SETBP1: variants seen among roughly 807,000 people sequenced by gnomAD.
The protein encoded by SETBP1 is SET-binding protein.
SETBP1 carries 9 observed loss-of-function variants against 101.0 expected under a neutral mutation model. The ratio of observed to expected loss-of-function variants is 0.09; its 90% CI spans 0.05 to 0.16. SETBP1 has a LOEUF of 0.16. SETBP1 is among the 10% of genes least tolerant of loss of function. The pLI, the probability that SETBP1 is intolerant of heterozygous loss-of-function variation, is 1.00. For missense variants in SETBP1, 1,858 were observed against 2,033.8 expected (o/e 0.91, Z 1.66); for synonymous variants, 818 against 788.5 (o/e 1.04, Z -0.63).
At position 45,066,214 on chromosome 18, in the gene SETBP1, T is replaced by C. The variant is rs1425344023; in HGVS notation, c.*2516T>C. 1.3e-5 allele frequency: 2 copies of C among 152,170 alleles called. No homozygotes were observed. The highest frequency in any genetic ancestry group is 6.5e-5 in the Admixed American group (1 of 15,286). 9.4% of individuals were successfully genotyped at this position (152,170 alleles called of 1,614,324 possible). A position where few individuals can be genotyped will look rare whatever the true frequency, so the allele number is the denominator to read the frequency against. On this transcript the variant is annotated 3_prime_UTR_variant, in exon 6 of 6. Transcript: ENST00000649279. ...AGAATTTCCAAAGCTCTGAAAGATATTTCAGGAGATTTAACAGCAGAGTTG... is the reference window on the plus strand; with the variant it reads ...AGAATTTCCAAAGCTCTGAAAGATACTTCAGGAGATTTAACAGCAGAGTTG...
chr18:44,951,060 A>G lies in SETBP1; in HGVS notation c.1720A>G (p.Thr574Ala). 1 of 1,614,054 alleles carries G rather than the reference A, an allele frequency of 6.2e-7. No homozygotes were observed. Among genetic ancestry groups the G allele is most frequent in the East Asian group, 2.2e-5 (1 of 44,866 alleles). Residue 574 changes from threonine (T) to alanine (A), a missense_variant, in exon 4 of 6, where the codon ACA (threonine) becomes GCA (alanine). Transcript: ENST00000649279. This position sits in a 1 kb window ranked among gnomAD's most constrained non-coding sequence, Gnocchi z 7.8. ...CCCATCCAGCCCTCTCTACACCAAC[A>G]CAGACAGTCTTACTGTGATCACTCC... is the stretch of plus-strand genomic sequence containing the variant. Reference protein sequence around the residue: ...ITPSSPLYTNTDSLTVITPVK... With the variant: ...ITPSSPLYTNADSLTVITPVK...
chr18:45,024,167 CA>C (rs1240311404), intron 4 of SETBP1, among the ~76,000 whole-genome samples: 2 of 152,180 alleles, frequency 1.3e-5, no homozygotes, highest in African/African-American at 4.8e-5. Context: ...AACAATTTCA[CA>C]GGCTGTTTCT....
At position 44,971,485 on chromosome 18, in the gene SETBP1, C is replaced by G. The variant is rs978214420; in HGVS notation, c.4000+18145C>G. 7.2e-5 allele frequency among the ~76,000 whole-genome samples: 11 copies of G among 152,184 alleles called. 1 individual carries two copies. The highest frequency in any genetic ancestry group is 6.5e-4 in the Admixed American group (10 of 15,286). On this transcript the variant is annotated intron_variant, in intron 4 of 5. Coordinates refer to ENST00000649279, the MANE Select transcript of SETBP1 (RefSeq NM_015559.3). ...CACAATGGTTGAACTAGTTTACACT[C>G]CCACCAACAGTGTAAAAGTGTTCCT...
At chr18:44,844,004 T>C (rs1330275878) in intron 2 of SETBP1, among the ~76,000 whole-genome samples, 1 of 152,198 alleles carries the variant, frequency 6.6e-6, no homozygotes, top group Non-Finnish European at 1.5e-5. Context: ...TCCAGATTTT[T>C]ATTTATCTTT....
At chr18:44,858,771 G>A (rs970930183) in intron 2 of SETBP1, among the ~76,000 whole-genome samples, 3 of 152,170 alleles carry the variant, frequency 2.0e-5, no homozygotes, top group Non-Finnish European at 2.9e-5. Context: ...TGGATTTGAA[G>A]ATGAAACAAT....
chr18:44,852,739 G>C (rs2072897891), intron 2 of SETBP1, among the ~76,000 whole-genome samples: 1 of 152,144 alleles, frequency 6.6e-6, no homozygotes, highest in African/African-American at 2.4e-5. Flanking sequence ...TACCCATTCT[G>C]GTTCTTTGGG....
chr18:44,980,576 C>T lies in SETBP1; in HGVS notation c.4000+27236C>T, dbSNP rs370276077. On this transcript the variant is annotated intron_variant, in intron 4 of 5. Coordinates refer to ENST00000649279, the MANE Select transcript of SETBP1 (RefSeq NM_015559.3). ...TAGCCCCGACCTCCCGTGCCTCTCC[C>T]GTCTCTTACAAACGGAAACTTTGTC... Among the ~76,000 whole-genome samples the T allele has an allele frequency of 7.2e-4, 109 of 152,202 alleles. 1 individual carries two copies. The South Asian group carries it at 0.016, about 22-fold the overall frequency.
intron 2 of SETBP1, among the ~76,000 whole-genome samples, chr18:44,716,330 CA>C (rs968950907): frequency 6.6e-6 from 1 of 151,568 alleles, no homozygotes; most frequent in African/African-American, 2.4e-5. Flanking sequence ...AGGAGAAAAA[CA>C]AAACAAAACA....
rs1163449321 is a variant in SETBP1 at position 45,064,673 on chromosome 18, G to A, written c.*975G>A. 6.6e-6 allele frequency: 1 copy of A among 151,856 alleles called. No individual in the cohort carries two copies. The highest frequency in any genetic ancestry group is 6.6e-5 in the Admixed American group (1 of 15,266). 9.4% of individuals were successfully genotyped at this position (151,856 alleles called of 1,614,324 possible). Reference sequence around the variant, plus strand: ...AGCAGAGCATAGGCAGAATAAAATGGTTTAAATACCCCACAGCAAATAGAG... The same window carrying A: ...AGCAGAGCATAGGCAGAATAAAATGATTTAAATACCCCACAGCAAATAGAG... On this transcript the variant is annotated 3_prime_UTR_variant, in exon 6 of 6. Transcript: ENST00000649279.
intron 4 of SETBP1, among the ~76,000 whole-genome samples, chr18:44,956,447 C>CT (rs1009914025): frequency 2.0e-4 from 30 of 151,968 alleles, no homozygotes; most frequent in African/African-American, 7.0e-4. Context: ...GTGACTTTAT[C>CT]TGAGTGGAGG....
chr18:44,901,069 C>T (rs1358336971), intron 3 of SETBP1, among the ~76,000 whole-genome samples: 1 of 152,178 alleles, frequency 6.6e-6, no homozygotes, highest in Non-Finnish European at 1.5e-5. Flanking sequence ...ATATATAAAA[C>T]AGAACAAACT....
At chr18:44,802,941 C>A (rs1446028714) in intron 2 of SETBP1, among the ~76,000 whole-genome samples, 4 of 152,096 alleles carry the variant, frequency 2.6e-5, no homozygotes, top group African/African-American at 9.7e-5. Flanking sequence ...GTTCCCCTGG[C>A]ATCAGAGGAA....
At chr18:44,967,176 G>T (rs2071738456) in intron 4 of SETBP1, among the ~76,000 whole-genome samples, 1 of 152,156 alleles carries the variant, frequency 6.6e-6, no homozygotes, top group South Asian at 2.1e-4. Context: ...ATGAAGATAA[G>T]GTGTCAGGAT....
intron 4 of SETBP1, among the ~76,000 whole-genome samples, chr18:44,979,208 A>G: frequency 6.6e-6 from 1 of 152,164 alleles, no homozygotes; most frequent in African/African-American, 2.4e-5. Context: ...CCGAATCTGC[A>G]TTTGCTTCCC....
At chr18:44,955,886 G>A (rs567302439) in intron 4 of SETBP1, among the ~76,000 whole-genome samples, 83 of 152,272 alleles carry the variant, frequency 5.5e-4, no homozygotes, top group African/African-American at 1.9e-3. Context: ...AATAGTTAAG[G>A]AAAGAAGACA....
chr18:44,964,063 A>T (rs2071670801), intron 4 of SETBP1, among the ~76,000 whole-genome samples: 1 of 152,086 alleles, frequency 6.6e-6, no homozygotes, highest in Non-Finnish European at 1.5e-5. Context: ...ACCTCATCTC[A>T]GTTTGAATGT....
chr18:44,972,325 G>T (rs1040327020), intron 4 of SETBP1, among the ~76,000 whole-genome samples: 10 of 152,122 alleles, frequency 6.6e-5, no homozygotes, highest in African/African-American at 2.4e-4. Context: ...CTCCAGCTTT[G>T]TTCTTTTGGC....
intron 2 of SETBP1, among the ~76,000 whole-genome samples, chr18:44,722,649 C>T (rs931563351): frequency 2.0e-5 from 3 of 152,166 alleles, no homozygotes; most frequent in Non-Finnish European, 4.4e-5. Flanking sequence ...GTGAGCATCA[C>T]GTGCTCTGTG....
intron 4 of SETBP1, among the ~76,000 whole-genome samples, chr18:45,017,370 C>T (rs1162018219): frequency 6.6e-6 from 1 of 152,182 alleles, no homozygotes; most frequent in African/African-American, 2.4e-5. Context: ...AATGTGTCCC[C>T]TTGGGTGGCC....
Sources: allele counts gnomAD v4.1 joint callset (sites outside exome capture counted in the v4.1 genomes callset), GRCh38; gene constraint gnomAD v4.1.1; non-coding constraint Gnocchi (gnomAD v3.1); transcripts MANE v1.5; gene names NCBI Gene and HGNC (gene_info 2026-07-23, HGNC 2026-07-21).